SMIM10L3: variants seen among roughly 807,000 people sequenced by gnomAD.
SMIM10L3 encodes the protein small integral membrane protein 10 like 3, also known as salivary gland specific protein SAGSIN1.
At chr7:6,336,070 G>A in the SMIM10L3 span, among the ~76,000 whole-genome samples, 544 of 152,064 alleles carry the variant, frequency 3.6e-3, 2 homozygotes, top group African/African-American at 0.012. Flanking sequence ...CTACTCAGGA[G>A]GCTGAGGCAG....
the SMIM10L3 span, among the ~76,000 whole-genome samples, chr7:6,344,561 G>C: frequency 3.3e-5 from 5 of 151,994 alleles, no homozygotes; most frequent in Non-Finnish European, 5.9e-5. Flanking sequence ...TGGGACTATA[G>C]GCATGCACCA....
chr7:6,348,729 G>C, the SMIM10L3 span: 2 of 416,624 alleles, frequency 4.8e-6, no homozygotes, highest in African/African-American at 2.0e-5. Context: ...GCGAGAGCCG[G>C]ACAGCCAGGC....
At chr7:6,335,380 G>T in the SMIM10L3 span, among the ~76,000 whole-genome samples, 1 of 151,828 alleles carries the variant, frequency 6.6e-6, no homozygotes, top group Non-Finnish European at 1.5e-5. Context: ...CCGCCACCAC[G>T]CCTGGCTAAT....
chr7:6,344,255 G>T, the SMIM10L3 span, among the ~76,000 whole-genome samples: 1 of 152,064 alleles, frequency 6.6e-6, no homozygotes, highest in East Asian at 1.9e-4. Context: ...TTCAAATCAG[G>T]TAAGTTAGTG....
the SMIM10L3 span, chr7:6,329,668 G>A: frequency 6.1e-6 from 1 of 164,518 alleles, no homozygotes; most frequent in African/African-American, 2.4e-5. Flanking sequence ...GCAATTCTTA[G>A]AATCTGGGAA....
the SMIM10L3 span, among the ~76,000 whole-genome samples, chr7:6,345,928 C>G: frequency 6.6e-5 from 10 of 151,980 alleles, no homozygotes; most frequent in African/African-American, 2.4e-4. Context: ...ACCATCACAC[C>G]TGCCTAATTT....
the SMIM10L3 span, among the ~76,000 whole-genome samples, chr7:6,343,849 T>C: frequency 6.6e-6 from 1 of 152,108 alleles, no homozygotes; most frequent in Non-Finnish European, 1.5e-5. Flanking sequence ...TAGGCCTTAT[T>C]ACTCATGAAA....
the SMIM10L3 span, chr7:6,331,281 G>C: frequency 3.4e-6 from 3 of 891,860 alleles, no homozygotes; most frequent in African/African-American, 5.1e-5. Flanking sequence ...AGACACATGG[G>C]TCTTAAGAGC....
chr7:6,348,050 A>G, the SMIM10L3 span, among the ~76,000 whole-genome samples: 1 of 151,436 alleles, frequency 6.6e-6, no homozygotes, highest in Non-Finnish European at 1.5e-5. Context: ...AGCTGGGATT[A>G]CAGGCACGCG....
chr7:6,339,201 C>T, the SMIM10L3 span, among the ~76,000 whole-genome samples: 1 of 152,158 alleles, frequency 6.6e-6, no homozygotes, highest in African/African-American at 2.4e-5. Context: ...GGTGTGGTGG[C>T]TCACACCTGT....
At chr7:6,340,955 C>G in the SMIM10L3 span, among the ~76,000 whole-genome samples, 4 of 108,716 alleles carry the variant, frequency 3.7e-5, no homozygotes, top group Admixed American at 4.7e-4. Context: ...TGGTGAAACC[C>G]TGTCTCTACT....
the SMIM10L3 span, among the ~76,000 whole-genome samples, chr7:6,335,308 T>C: frequency 6.6e-6 from 1 of 150,566 alleles, no homozygotes; most frequent in Non-Finnish European, 1.5e-5. Flanking sequence ...CTACAACCTC[T>C]GCCTCCTGGG....
chr7:6,343,282 C>G, the SMIM10L3 span, among the ~76,000 whole-genome samples: 1 of 150,486 alleles, frequency 6.6e-6, no homozygotes, highest in African/African-American at 2.4e-5. Flanking sequence ...GAGGCTGAGG[C>G]AGGAGAATCG....
At chr7:6,332,164 C>T in the SMIM10L3 span, among the ~76,000 whole-genome samples, 9 of 150,488 alleles carry the variant, frequency 6.0e-5, no homozygotes, top group Non-Finnish European at 1.3e-4. Context: ...CAAAAAATAA[C>T]ATGACTGGGC....
chr7:6,334,827 G>A, the SMIM10L3 span, among the ~76,000 whole-genome samples: 9 of 150,858 alleles, frequency 6.0e-5, no homozygotes, highest in African/African-American at 2.2e-4. Context: ...GGAGTACAAT[G>A]GCACGATCTC....
the SMIM10L3 span, chr7:6,330,290 A>C: frequency 7.7e-7 from 1 of 1,305,334 alleles, no homozygotes; most frequent in South Asian, 1.4e-5. Flanking sequence ...TAAGGGCTGC[A>C]CAGTTTGCAT....
At chr7:6,344,051 A>T in the SMIM10L3 span, among the ~76,000 whole-genome samples, 1 of 151,758 alleles carries the variant, frequency 6.6e-6, no homozygotes, top group Non-Finnish European at 1.5e-5. Flanking sequence ...ACATTCAACT[A>T]ACTTTTAATG....
the SMIM10L3 span, among the ~76,000 whole-genome samples, chr7:6,339,634 C>T: frequency 1.3e-5 from 2 of 151,916 alleles, no homozygotes; most frequent in Non-Finnish European, 2.9e-5. Flanking sequence ...CAGGCGCCCG[C>T]CACCACGCCT....
At chr7:6,336,655 G>A in the SMIM10L3 span, among the ~76,000 whole-genome samples, 2 of 150,720 alleles carry the variant, frequency 1.3e-5, no homozygotes, top group Middle Eastern at 3.4e-3. Context: ...CTGTACTCCA[G>A]CCTGAGAGAG....
Sources: allele counts gnomAD v4.1 joint callset (sites outside exome capture counted in the v4.1 genomes callset), GRCh38; gene constraint gnomAD v4.1.1; transcripts MANE v1.5; gene names NCBI Gene and HGNC (gene_info 2026-07-23, HGNC 2026-07-21).